Variants in COL18A1 observed in about 807,000 individuals in gnomAD.
The protein encoded by COL18A1 is collagen type XVIII alpha 1 chain, also known as collagen alpha-1(XVIII) chain.
In COL18A1, 133 loss-of-function variants were observed where a neutral mutation model predicts 168.0. The observed-to-expected ratio is 0.79, with a 90% CI of 0.69 to 0.91. The LOEUF (loss-of-function observed/expected upper bound fraction) is 0.91. Ranked by LOEUF, COL18A1 falls within the 40% of genes least tolerant of loss-of-function variation. The pLI is 0.00. For synonymous variants in COL18A1, 949 were observed against 809.0 expected (o/e 1.17, Z -2.94); for missense variants, 2,126 against 1,925.4 (o/e 1.10, Z -1.95).
Position 45,473,880 on chromosome 21 carries a change from TC to T in COL18A1, c.652-14del. 6.3e-7 allele frequency: 1 copy of T among 1,587,374 alleles called. No homozygotes were observed. Among genetic ancestry groups the T allele is most frequent in the Non-Finnish European group, 8.6e-7 (1 of 1,166,990 alleles). ...CTCAGGACCGCTGGTGACCCCTTTC[TC>T]TGTCTGCATTTAGGGGGTGATCGCT... is the stretch of plus-strand genomic sequence containing the variant. On this transcript the variant is annotated splice_polypyrimidine_tract_variant and intron_variant, in intron 3 of 41. Transcript: ENST00000651438. This position sits in a 1 kb window ranked among gnomAD's most constrained non-coding sequence, Gnocchi z 4.0.
intron 2 of COL18A1, chr21:45,455,967 A>G: frequency 1.9e-6 from 3 of 1,613,006 alleles, no homozygotes; most frequent in Non-Finnish European, 2.5e-6. Flanking sequence ...CTGGTCCTGG[A>G]GACTCCTGTG....
chr21:45,458,170 C>T (rs920436667), intron 2 of COL18A1, among the ~76,000 whole-genome samples: 62 of 142,694 alleles, frequency 4.3e-4, no homozygotes, highest in Middle Eastern at 3.5e-3. Context: ...ACAGGAACTG[C>T]GCTGGGGGGG....
intron 3 of COL18A1, among the ~76,000 whole-genome samples, chr21:45,469,756 G>C (rs2035347745): frequency 6.6e-6 from 1 of 152,340 alleles, no homozygotes; most frequent in South Asian, 2.1e-4. Flanking sequence ...GGGACAGAAG[G>C]TTAATTATTG....
chr21:45,473,910 C>G lies in COL18A1; in HGVS notation c.667C>G (p.Leu223Val). 6.2e-7 allele frequency: 1 copy of G among 1,604,100 alleles called. No homozygotes were observed. The highest frequency in any genetic ancestry group is 8.5e-7 in the Non-Finnish European group (1 of 1,175,500). ...CTGCATTTAGGGGGTGATCGCTGAG[C>G]TGAAGGTGCGCAGGGACCCCCAGGT... ...PDKFQGVIAE[L>V]KVRRDPQVSP... The change falls in exon 4 of 42, where the codon CTG becomes GTG. Residue 223 changes from leucine (L) to valine (V), a missense_variant. Physicochemically the swap from Leu to Val is conservative, Grantham distance 32 (BLOSUM62 1). Transcript: ENST00000651438. The surrounding 1 kb of genome is among the most constrained non-coding windows in gnomAD (Gnocchi z 4.0).
chr21:45,498,534 C>T lies in COL18A1; in HGVS notation c.2683+873C>T. 1 of 716,826 alleles carries T rather than the reference C, an allele frequency of 1.4e-6. No homozygotes were observed. Among genetic ancestry groups the T allele is most frequent in the Non-Finnish European group, 2.6e-6 (1 of 385,054 alleles). 44.4% of individuals were successfully genotyped at this position (716,826 alleles called of 1,614,324 possible). ...TCTGCAGAGGAGGCCGCCATACCTG[C>T]TCTTGCTGGGGCTGCACTCTGGGGT... On this transcript the variant is annotated intron_variant, in intron 32 of 41. Transcript: ENST00000651438. The surrounding 1 kb of genome is among the most constrained non-coding windows in gnomAD (Gnocchi z 4.5).
In COL18A1 at chr21:45,457,766, CT is replaced by C. The variant is rs2034892003; in HGVS notation, c.107-10475del. ...AGGTGCTCTGTCCTCCTCTGCTGTCCTCCCCATAGTGCCGAGGGGAAGCAGC... is the reference window on the plus strand; with the variant it reads ...AGGTGCTCTGTCCTCCTCTGCTGTCCCCCCATAGTGCCGAGGGGAAGCAGC... On this transcript the variant is annotated intron_variant, in intron 2 of 41. Transcript: ENST00000651438. The surrounding 1 kb of genome is among the most constrained non-coding windows in gnomAD (Gnocchi z 4.6). 1.3e-5 allele frequency among the ~76,000 whole-genome samples: 2 copies of C among 152,214 alleles called. No individual in the cohort carries two copies. Among genetic ancestry groups the C allele is most frequent in the African/African-American group, 4.8e-5 (2 of 41,454 alleles).
chr21:45,436,667 G>A (rs1189115872), intron 2 of COL18A1, among the ~76,000 whole-genome samples: 4 of 151,236 alleles, frequency 2.6e-5, no homozygotes, highest in African/African-American at 9.7e-5. Flanking sequence ...GAGGCTGGGG[G>A]AGGGGGTCTG....
At chr21:45,475,130 G>A (rs1363822852) in intron 4 of COL18A1, among the ~76,000 whole-genome samples, 1 of 152,238 alleles carries the variant, frequency 6.6e-6, no homozygotes, top group Non-Finnish European at 1.5e-5. Context: ...AACCTGTGCG[G>A]GGAGCATCTG....
chr21:45,509,157 G>A lies in COL18A1; in HGVS notation c.3250-199G>A, dbSNP rs183058482. 6.8e-3 allele frequency among the ~76,000 whole-genome samples: 1,036 copies of A among 152,174 alleles called. 12 individuals carry two copies. The highest frequency in any genetic ancestry group is 0.023 in the African/African-American group (953 of 41,506). On this transcript the variant is annotated intron_variant, in intron 38 of 41. Transcript: ENST00000651438. ...TGGGGCCTGAGCAGAGGTGACCCGC[G>A]ATCCGGCGCCACGGCAGGCAGGACT...
chr21:45,451,716 C>T (rs139403828), intron 2 of COL18A1, among the ~76,000 whole-genome samples: 3 of 152,164 alleles, frequency 2.0e-5, no homozygotes, highest in Non-Finnish European at 2.9e-5. Context: ...CTGGGAAGGT[C>T]GATCTCAGGC....
At chr21:45,494,429 A>G (rs1233945784) in intron 26 of COL18A1, 116 bp from the exon 27 acceptor site, 9 of 1,469,562 alleles carry the variant, frequency 6.1e-6, no homozygotes, top group African/African-American at 4.2e-5. Flanking sequence ...TAGGGAGGCT[A>G]TCAGGTGGGG....
chr21:45,458,847 T>C (rs2034941822), intron 2 of COL18A1, among the ~76,000 whole-genome samples: 1 of 152,178 alleles, frequency 6.6e-6, no homozygotes, highest in South Asian at 2.1e-4. Context: ...AGCTGAGCAC[T>C]GTGAGCAAGC....
Position 45,478,466 on chromosome 21 carries a change from A to G in COL18A1, c.1248+113A>G, listed in dbSNP as rs193119283. 5.5e-4 allele frequency: 764 copies of G among 1,392,490 alleles called. 1 individual carries two copies. The highest frequency in any genetic ancestry group is 9.7e-4 in the Admixed American group (57 of 59,002). 86.3% of individuals were successfully genotyped at this position (1,392,490 alleles called of 1,614,324 possible). On this transcript the variant is annotated intron_variant, in intron 9 of 41. Transcript: ENST00000651438. ...ACGCGACCCAGTGAGGAGACTGTAC[A>G]GCAAAACCATTTTGAAAGTGGAATT...
intron 2 of COL18A1, among the ~76,000 whole-genome samples, chr21:45,439,947 CTG>C (rs1400036193): frequency 1.1e-4 from 16 of 152,256 alleles, no homozygotes; most frequent in African/African-American, 3.9e-4. Context: ...CGAAAGCAAA[CTG>C]GGAAATCTCG....
intron 15 of COL18A1, 62 bp from the exon 16 acceptor site, chr21:45,486,799 T>G: frequency 7.2e-6 from 11 of 1,517,530 alleles, no homozygotes; most frequent in South Asian, 3.6e-5. Flanking sequence ...GTGTCTACGC[T>G]GGGGTTGCAG....
intron 36 of COL18A1, 134 bp from the exon 37 acceptor site, chr21:45,505,704 G>A (rs931090245): frequency 2.0e-5 from 15 of 759,460 alleles, no homozygotes; most frequent in Non-Finnish European, 3.1e-5. Context: ...GCTCATGGGG[G>A]CAGCCGCCTC....
intron 2 of COL18A1, among the ~76,000 whole-genome samples, chr21:45,438,247 T>C (rs1373523200): frequency 1.7e-5 from 1 of 59,770 alleles, no homozygotes; most frequent in Non-Finnish European, 3.2e-5. Context: ...GGCACTCTCC[T>C]GCACACACAC....
rs374641657 is a variant in COL18A1 at position 45,473,639 on chromosome 21, A to G, written c.652-256A>G. ...TCAGGTGGCCCATCAGCTGCCTCAG[A>G]TGAGCCAAGTCTGAGGGAGCAGCCT... On this transcript the variant is annotated intron_variant, in intron 3 of 41. Coordinates refer to ENST00000651438, the MANE Select transcript of COL18A1 (RefSeq NM_001379500.1). The surrounding 1 kb of genome is among the most constrained non-coding windows in gnomAD (Gnocchi z 4.0). Among the ~76,000 whole-genome samples, 10 of 152,056 alleles carry G rather than the reference A, an allele frequency of 6.6e-5. No individual in the cohort carries two copies. The East Asian group carries it at 9.7e-4, about 15-fold the overall frequency.
At position 45,498,123 on chromosome 21, in the gene COL18A1, T is replaced by C. The variant is rs1168654218; in HGVS notation, c.2683+462T>C. The C allele has an allele frequency of 6.3e-6, 4 of 630,534 alleles. No homozygotes were observed. Among genetic ancestry groups the C allele is most frequent in the Middle Eastern group, 3.1e-4 (1 of 3,218 alleles). 39.1% of individuals were successfully genotyped at this position (630,534 alleles called of 1,614,324 possible). A position where few individuals can be genotyped will look rare whatever the true frequency, so the allele number is the denominator to read the frequency against. On this transcript the variant is annotated intron_variant, in intron 32 of 41. Transcript: ENST00000651438. The surrounding 1 kb of genome is among the most constrained non-coding windows in gnomAD (Gnocchi z 4.5). ...CCCTGCTCCCCCAAAGGACAAGAAT[T>C]CCCCCCTGAGCCCCACCTCCATTGA...
Sources: allele counts gnomAD v4.1 joint callset (sites outside exome capture counted in the v4.1 genomes callset), GRCh38; gene constraint gnomAD v4.1.1; non-coding constraint Gnocchi (gnomAD v3.1); transcripts MANE v1.5; gene names NCBI Gene and HGNC (gene_info 2026-07-23, HGNC 2026-07-21).